BMERB1: variants seen among roughly 807,000 people sequenced by gnomAD.
The protein encoded by BMERB1 is bMERB domain containing 1.
Under a neutral mutation model 23.6 loss-of-function variants are expected in BMERB1, and 12 were observed. That is an observed-to-expected ratio of 0.51 (90% confidence interval 0.33 to 0.82). The LOEUF is 0.82. BMERB1 is among the 40% of genes least tolerant of loss of function. The pLI is 0.03. For synonymous variants in BMERB1, 122 were observed against 96.6 expected, an observed-to-expected ratio of 1.26 and a Z score of -1.54; for missense variants, 247 against 255.4, an observed-to-expected ratio of 0.97 and a Z score of 0.22.
At position 15,485,954 on chromosome 16, in the gene BMERB1, C is replaced by T. The variant is rs562249598; in HGVS notation, c.107-29351C>T. ...ATGACTCAGAGAATATATAAAATGG[C>T]AGGTTGGCCAGGTGTAGTGGCTCAT... On this transcript the variant is annotated intron_variant, in intron 1 of 5. Transcript: ENST00000300006. 2.6e-5 allele frequency among the ~76,000 whole-genome samples: 4 copies of T among 152,142 alleles called. No individual in the cohort carries two copies. The South Asian group carries it at 6.2e-4, about 24-fold the overall frequency.
chr16:15,502,735 TAGC>T lies in BMERB1; in HGVS notation c.107-12565_107-12563del, dbSNP rs566238760. Among the ~76,000 whole-genome samples the T allele has an allele frequency of 8.5e-5, 13 of 152,230 alleles. No individual in the cohort carries two copies. The East Asian group carries it at 1.7e-3, about 20-fold the overall frequency. On this transcript the variant is annotated intron_variant, in intron 1 of 5. Transcript: ENST00000300006. ...GATTCAAGACTCTCTTTTGGGTCAATAGCAGCAACTGGCTTCTTGACAAAAGGC... is the reference window on the plus strand; with the variant it reads ...GATTCAAGACTCTCTTTTGGGTCAATAGCAACTGGCTTCTTGACAAAAGGC...
intron 2 of BMERB1, among the ~76,000 whole-genome samples, chr16:15,535,925 T>C (rs1161071099): frequency 2.0e-5 from 3 of 152,020 alleles, no homozygotes; most frequent in Non-Finnish European, 4.4e-5. Flanking sequence ...TGCCAGACAC[T>C]TATAAAGCCC....
At chr16:15,464,812 T>A (rs1486742905) in intron 1 of BMERB1, among the ~76,000 whole-genome samples, 2 of 152,168 alleles carry the variant, frequency 1.3e-5, no homozygotes, top group African/African-American at 4.8e-5. Flanking sequence ...TTGGCCAGCT[T>A]CTTTATTGCA....
chr16:15,492,484 A>G (rs904101180), intron 1 of BMERB1, among the ~76,000 whole-genome samples: 4 of 152,228 alleles, frequency 2.6e-5, no homozygotes, highest in African/African-American at 9.6e-5. Context: ...TGGGCTGTGT[A>G]TAGTGACTTC....
chr16:15,454,771 GAC>G (rs757284183), intron 1 of BMERB1, among the ~76,000 whole-genome samples: 49 of 141,704 alleles, frequency 3.5e-4, no homozygotes, highest in Admixed American at 1.5e-3. Context: ...CAGCCTGGAT[GAC>G]AGAGTGAGAC....
chr16:15,450,842 TC>T (rs1190268211), intron 1 of BMERB1, among the ~76,000 whole-genome samples: 1 of 152,182 alleles, frequency 6.6e-6, no homozygotes, highest in African/African-American at 2.4e-5. Context: ...GCTTGGCTCT[TC>T]CAACCACCAT....
chr16:15,459,049 A>G (rs2051113357), intron 1 of BMERB1, among the ~76,000 whole-genome samples: 1 of 152,144 alleles, frequency 6.6e-6, no homozygotes, highest in Non-Finnish European at 1.5e-5. Context: ...TGGAGGTTGC[A>G]GTGAGCCAAG....
chr16:15,533,395 CTTTT>C (rs11379898), intron 2 of BMERB1, among the ~76,000 whole-genome samples: 1 of 141,272 alleles, frequency 7.1e-6, no homozygotes. Flanking sequence ...TCGTTTCTTT[CTTTT>C]TTTTTTTTTT....
At chr16:15,576,945 G>A (rs1308005926) in intron 3 of BMERB1, among the ~76,000 whole-genome samples, 1 of 152,196 alleles carries the variant, frequency 6.6e-6, no homozygotes, top group Non-Finnish European at 1.5e-5. Flanking sequence ...GCCTGTGGCA[G>A]ACTGCACCAA....
chr16:15,586,569 C>T (rs756103564), intron 5 of BMERB1, 148 bp from the exon 6 acceptor site: 1 of 678,882 alleles, frequency 1.5e-6, no homozygotes, highest in Non-Finnish European at 2.7e-6. Context: ...TGTGCATCAG[C>T]TCTCCATACC....
At chr16:15,441,251 G>A (rs1156381448) in intron 1 of BMERB1, among the ~76,000 whole-genome samples, 1 of 151,996 alleles carries the variant, frequency 6.6e-6, no homozygotes, top group East Asian at 1.9e-4. Context: ...ACAGGGTCTC[G>A]CTTGTCACCC....
At chr16:15,564,534 T>C in intron 2 of BMERB1, among the ~76,000 whole-genome samples, 1 of 152,234 alleles carries the variant, frequency 6.6e-6, no homozygotes, top group South Asian at 2.1e-4. Flanking sequence ...GCGTCTATAA[T>C]TGGTTTATTT....
chr16:15,457,136 A>G (rs2051093644), intron 1 of BMERB1, among the ~76,000 whole-genome samples: 1 of 152,136 alleles, frequency 6.6e-6, no homozygotes, highest in South Asian at 2.1e-4. Context: ...TCCTCTATAC[A>G]AATAATTAAA....
intron 1 of BMERB1, among the ~76,000 whole-genome samples, chr16:15,472,028 T>G (rs1045120260): frequency 3.3e-5 from 5 of 152,264 alleles, no homozygotes; most frequent in African/African-American, 1.2e-4. Context: ...AGAGATTATT[T>G]AGAAGTATGT....
chr16:15,537,646 G>A (rs896014716), intron 2 of BMERB1, among the ~76,000 whole-genome samples: 2 of 150,952 alleles, frequency 1.3e-5, no homozygotes, highest in Non-Finnish European at 2.9e-5. Flanking sequence ...GAGCCACCAT[G>A]CCCGGCCGAG....
chr16:15,444,551 T>C (rs2050973707), intron 1 of BMERB1, among the ~76,000 whole-genome samples: 1 of 152,128 alleles, frequency 6.6e-6, no homozygotes, highest in African/African-American at 2.4e-5. Flanking sequence ...CAGGAAAGCA[T>C]GGTGACAAAT....
At chr16:15,444,119 C>CTTTTTTTTT (rs1225982061) in intron 1 of BMERB1, among the ~76,000 whole-genome samples, 15 of 24,454 alleles carry the variant, frequency 6.1e-4, no homozygotes, top group African/African-American at 1.3e-3. Flanking sequence ...CAGGCACCAG[C>CTTTTTTTTT]TTTGTTTTTT....
chr16:15,442,434 T>A (rs1412416166), intron 1 of BMERB1, among the ~76,000 whole-genome samples: 1 of 152,124 alleles, frequency 6.6e-6, no homozygotes, highest in Non-Finnish European at 1.5e-5. Context: ...GATATAAATA[T>A]TACAAATATG....
At chr16:15,546,394 G>A (rs1007141422) in intron 2 of BMERB1, among the ~76,000 whole-genome samples, 1 of 152,138 alleles carries the variant, frequency 6.6e-6, no homozygotes, top group Non-Finnish European at 1.5e-5. Context: ...TTTTCCAAGA[G>A]CATTATGCTG....
Sources: gnomAD v4.1 joint callset for allele counts (sites outside exome capture counted in the v4.1 genomes callset) on GRCh38, gnomAD v4.1.1 for gene constraint, MANE v1.5 for transcripts, NCBI Gene and HGNC (gene_info 2026-07-23, HGNC 2026-07-21) for gene names.